Variants in NTM observed in about 807,000 individuals in gnomAD.
NTM encodes the protein IgLON family member 2.
In NTM, 13 loss-of-function variants were observed where a neutral mutation model predicts 42.1. The observed-to-expected ratio is 0.31, with a 90% CI of 0.20 to 0.49. NTM has a LOEUF of 0.49. NTM is among the 20% of genes least tolerant of loss of function. NTM has a pLI of 0.99. For synonymous variants in NTM, 187 were observed against 179.2 expected, an observed-to-expected ratio of 1.04 and a Z score of -0.35; for missense variants, 373 against 452.8, an observed-to-expected ratio of 0.82 and a Z score of 1.60.
chr11:132,104,044 A>G (rs2061957723), intron 2 of NTM, among the ~76,000 whole-genome samples: 1 of 152,230 alleles, frequency 6.6e-6, no homozygotes, highest in Admixed American at 6.5e-5. Flanking sequence ...GTCATTCTAC[A>G]GAGTATATCT....
intron 3 of NTM, among the ~76,000 whole-genome samples, chr11:132,208,914 A>G (rs2082400906): frequency 6.6e-6 from 1 of 152,158 alleles, no homozygotes; most frequent in Admixed American, 6.5e-5. Context: ...AGTTGAAGCA[A>G]CGTCTGCAAG....
chr11:131,810,102 T>C (rs1565579676), intron 1 of NTM, among the ~76,000 whole-genome samples: 1 of 152,142 alleles, frequency 6.6e-6, no homozygotes, highest in Admixed American at 6.5e-5. Flanking sequence ...GAAAGAGGGT[T>C]CATTACTCTG....
At chr11:131,865,364 T>C (rs1175912642) in intron 1 of NTM, among the ~76,000 whole-genome samples, 4 of 152,170 alleles carry the variant, frequency 2.6e-5, no homozygotes, top group Non-Finnish European at 4.4e-5. Context: ...ATGTGTGAAG[T>C]TGGGAGTGTC....
chr11:132,282,064 C>T lies in NTM; in HGVS notation c.527-25625C>T, dbSNP rs190012964. On this transcript the variant is annotated intron_variant, in intron 4 of 8. Transcript: ENST00000683400. ...CTTTATGTAACTAGTTGCTATTTTA[C>T]CTCAAAAAATAAATAATGCTTCCTG... Among the ~76,000 whole-genome samples the T allele has an allele frequency of 1.2e-3, 184 of 152,150 alleles. 1 individual carries two copies. Among genetic ancestry groups the T allele is most frequent in the Middle Eastern group, 6.8e-3 (2 of 294 alleles).
At chr11:131,656,380 C>T (rs1335445515) in intron 1 of NTM, among the ~76,000 whole-genome samples, 4 of 152,242 alleles carry the variant, frequency 2.6e-5, no homozygotes, top group Non-Finnish European at 5.9e-5. Flanking sequence ...CCTAAAAAGA[C>T]ACAGAAGCAA....
At chr11:131,393,910 G>A (rs1944291490) in intron 1 of NTM, among the ~76,000 whole-genome samples, 1 of 152,168 alleles carries the variant, frequency 6.6e-6, no homozygotes, top group Admixed American at 6.5e-5. Flanking sequence ...AAGTGCTTGT[G>A]GAATGAGAAA....
intron 1 of NTM, among the ~76,000 whole-genome samples, chr11:131,884,231 G>C (rs1011828112): frequency 4.6e-5 from 7 of 151,964 alleles, no homozygotes; most frequent in African/African-American, 1.5e-4. Flanking sequence ...CCAACATGGA[G>C]AAACCCTATC....
chr11:131,560,372 T>C (rs1482158134), intron 1 of NTM, among the ~76,000 whole-genome samples: 2 of 152,152 alleles, frequency 1.3e-5, no homozygotes, highest in East Asian at 1.9e-4. Context: ...AAATACACTA[T>C]ACAAGGTCGT....
chr11:131,376,071 G>C (rs1011516075), intron 1 of NTM, among the ~76,000 whole-genome samples: 12 of 152,108 alleles, frequency 7.9e-5, no homozygotes, highest in Non-Finnish European at 1.8e-4. Flanking sequence ...AAGCTGGCAG[G>C]GGTTGCTCTG....
chr11:132,063,532 C>T (rs1052113700), intron 2 of NTM, among the ~76,000 whole-genome samples: 2 of 152,108 alleles, frequency 1.3e-5, no homozygotes, highest in African/African-American at 2.4e-5. Context: ...TTTACAGTAC[C>T]CTGTTCAGAG....
At chr11:131,555,035 G>T (rs965945329) in intron 1 of NTM, among the ~76,000 whole-genome samples, 3 of 152,274 alleles carry the variant, frequency 2.0e-5, no homozygotes, top group African/African-American at 4.8e-5. Flanking sequence ...GGTGGCTTGT[G>T]CCAGTAATCC....
intron 3 of NTM, among the ~76,000 whole-genome samples, chr11:132,202,309 G>A (rs746442484): frequency 5.3e-5 from 8 of 152,168 alleles, no homozygotes; most frequent in Non-Finnish European, 7.3e-5. Flanking sequence ...GGAACACCTG[G>A]CAAAGTGCTC....
chr11:131,865,191 T>A (rs2047010385), intron 1 of NTM, among the ~76,000 whole-genome samples: 1 of 152,222 alleles, frequency 6.6e-6, no homozygotes, highest in Non-Finnish European at 1.5e-5. Flanking sequence ...CTTAGAAAGA[T>A]CGAGTAGCCT....
chr11:131,546,451 C>T (rs562235787), intron 1 of NTM, among the ~76,000 whole-genome samples: 4 of 152,284 alleles, frequency 2.6e-5, no homozygotes, highest in African/African-American at 9.6e-5. Flanking sequence ...ACATTCTGCA[C>T]AGCAGGGATT....
At chr11:131,554,608 C>T (rs2055153014) in intron 1 of NTM, among the ~76,000 whole-genome samples, 1 of 151,506 alleles carries the variant, frequency 6.6e-6, no homozygotes, top group African/African-American at 2.4e-5. Context: ...GCACTCTGGT[C>T]TACTGCATCC....
rs188889121 is a variant in NTM, at chr11:132,084,156, C to T, written c.168-62126C>T. ...ATCAGAAAACTGCATTTGACAGCAC[C>T]TGTCAAATTCATGTAGCTGATTATA... On this transcript the variant is annotated intron_variant, in intron 2 of 8. Coordinates refer to ENST00000683400, the MANE Select transcript of NTM (RefSeq NM_001352005.2). Among the ~76,000 whole-genome samples, 5 of 152,122 alleles carry T rather than the reference C, an allele frequency of 3.3e-5. No homozygotes were observed. In the East Asian group the frequency reaches 9.7e-4, roughly 29 times the overall value.
chr11:131,445,081 C>T (rs142300379), intron 1 of NTM, among the ~76,000 whole-genome samples: 58 of 152,314 alleles, frequency 3.8e-4, no homozygotes, highest in African/African-American at 1.4e-3. Context: ...AATTATTAAT[C>T]TATCCTATTT....
At chr11:132,036,125 T>C (rs544533099) in intron 2 of NTM, among the ~76,000 whole-genome samples, 3 of 152,340 alleles carry the variant, frequency 2.0e-5, no homozygotes, top group South Asian at 4.1e-4. Flanking sequence ...TCTTGTCTTA[T>C]GCTACTAAGG....
At chr11:131,987,281 A>G (rs751265520) in intron 2 of NTM, among the ~76,000 whole-genome samples, 5 of 152,222 alleles carry the variant, frequency 3.3e-5, no homozygotes, top group Non-Finnish European at 7.3e-5. Context: ...TTTAACTGGA[A>G]CACACTCCAG....
Sources: allele counts gnomAD v4.1 joint callset (sites outside exome capture counted in the v4.1 genomes callset), GRCh38; gene constraint gnomAD v4.1.1; transcripts MANE v1.5; gene names NCBI Gene and HGNC (gene_info 2026-07-23, HGNC 2026-07-21).